The following ASTN2 variants were observed in gnomAD, a reference collection of about 807,000 sequenced individuals.
ASTN2 encodes astrotactin 2.
Under a neutral mutation model 139.8 loss-of-function variants are expected in ASTN2, and 54 were observed. The observed-to-expected ratio is 0.39, with a 90% CI of 0.31 to 0.48. The LOEUF is 0.48. ASTN2 is among the 20% of genes least tolerant of loss of function. ASTN2 has a pLI of 0.95. For synonymous variants in ASTN2, 756 were observed against 719.5 expected, an observed-to-expected ratio of 1.05 and a Z score of -0.81; for missense variants, 1,565 against 1,725.1, an observed-to-expected ratio of 0.91 and a Z score of 1.64.
chr9:116,632,256 A>AGAAAG (rs1856838138), intron 17 of ASTN2, among the ~76,000 whole-genome samples: 1 of 103,088 alleles, frequency 9.7e-6, no homozygotes, highest in African/African-American at 4.6e-5. Context: ...AAAGAAGGAA[A>AGAAAG]GAAAGAAAGA....
At chr9:116,587,067 G>A (rs543970967) in intron 19 of ASTN2, among the ~76,000 whole-genome samples, 5 of 152,116 alleles carry the variant, frequency 3.3e-5, no homozygotes, top group African/African-American at 7.2e-5. Flanking sequence ...TGGGCCAAGC[G>A]TGGTGGCTCT....
intron 5 of ASTN2, among the ~76,000 whole-genome samples, chr9:117,062,356 C>T (rs1448614724): frequency 6.6e-6 from 1 of 152,136 alleles, no homozygotes; most frequent in Non-Finnish European, 1.5e-5. Context: ...GGAGCTTTTT[C>T]CCCCAATAGC....
At chr9:117,071,365 G>C (rs958578293) in intron 5 of ASTN2, among the ~76,000 whole-genome samples, 2,363 of 149,040 alleles carry the variant, frequency 0.016, 93 homozygotes, top group African/African-American at 0.056. Context: ...GCAGTCTGCG[G>C]GTTCTCAGAT....
intron 1 of ASTN2, among the ~76,000 whole-genome samples, chr9:117,303,665 G>GT (rs947848765): frequency 1.3e-5 from 2 of 152,162 alleles, no homozygotes; most frequent in African/African-American, 4.8e-5. Context: ...CTGTTTCACT[G>GT]TTTTTTACCA....
intron 1 of ASTN2, among the ~76,000 whole-genome samples, chr9:117,354,147 G>C (rs959009090): frequency 6.6e-6 from 1 of 152,052 alleles, no homozygotes; most frequent in African/African-American, 2.4e-5. Flanking sequence ...GGGGAAGGGC[G>C]GAAGGTACTC....
At chr9:116,733,079 T>G (rs1343715617) in intron 14 of ASTN2, among the ~76,000 whole-genome samples, 2 of 152,096 alleles carry the variant, frequency 1.3e-5, no homozygotes. Context: ...ACCAGAAAAT[T>G]GTCAATGAGA....
At chr9:117,035,035 G>A (rs905852928) in intron 6 of ASTN2, among the ~76,000 whole-genome samples, 15 of 152,090 alleles carry the variant, frequency 9.9e-5, no homozygotes, top group South Asian at 4.1e-4. Context: ...CCATTACTCA[G>A]CCCCATCCAA....
At chr9:117,158,790 T>C (rs1830484379) in intron 3 of ASTN2, among the ~76,000 whole-genome samples, 1 of 151,976 alleles carries the variant, frequency 6.6e-6, no homozygotes, top group Non-Finnish European at 1.5e-5. Flanking sequence ...ATTTACACTG[T>C]CCTATTAAAT....
At chr9:116,550,040 C>T (rs767643032) in intron 19 of ASTN2, among the ~76,000 whole-genome samples, 1 of 152,168 alleles carries the variant, frequency 6.6e-6, no homozygotes, top group Admixed American at 6.5e-5. Flanking sequence ...ATGAAATGTC[C>T]CTGCTTTAAT....
At chr9:117,045,063 C>T (rs1587897633) in intron 5 of ASTN2, among the ~76,000 whole-genome samples, 2 of 152,128 alleles carry the variant, frequency 1.3e-5, no homozygotes, top group African/African-American at 4.8e-5. Flanking sequence ...AGGATACCCT[C>T]ATGTAGAAAG....
At chr9:117,031,140 T>G (rs964170901) in intron 6 of ASTN2, among the ~76,000 whole-genome samples, 5 of 152,134 alleles carry the variant, frequency 3.3e-5, no homozygotes, top group Admixed American at 6.6e-5. Flanking sequence ...AGGAGGGGTG[T>G]GTGAATTTGA....
intron 19 of ASTN2, chr9:116,551,981 G>A (rs892598902): frequency 1.4e-5 from 2 of 146,324 alleles, no homozygotes; most frequent in African/African-American, 5.1e-5. Flanking sequence ...AGATTCTGAA[G>A]TAGCCTGCCA....
chr9:116,473,374 A>G (rs1056709214), intron 20 of ASTN2, among the ~76,000 whole-genome samples: 2 of 152,204 alleles, frequency 1.3e-5, no homozygotes, highest in Non-Finnish European at 1.5e-5. Context: ...TCTTTATGAT[A>G]AAGAGAAACA....
intron 2 of ASTN2, among the ~76,000 whole-genome samples, chr9:117,265,561 C>T (rs1307154178): frequency 2.0e-5 from 3 of 152,134 alleles, no homozygotes; most frequent in Non-Finnish European, 2.9e-5. Flanking sequence ...GGGCTGGACA[C>T]CAAGAGTGTC....
At chr9:116,674,600 G>A (rs1350554674) in intron 16 of ASTN2, among the ~76,000 whole-genome samples, 1 of 152,174 alleles carries the variant, frequency 6.6e-6, no homozygotes, top group Non-Finnish European at 1.5e-5. Flanking sequence ...AGGTAAAGAG[G>A]ACTAGGCTGC....
chr9:116,623,925 C>T (rs530172581), intron 17 of ASTN2, among the ~76,000 whole-genome samples: 5 of 152,052 alleles, frequency 3.3e-5, no homozygotes, highest in Admixed American at 1.3e-4. Context: ...TGTTTGCATG[C>T]GTATGTGTCT....
intron 1 of ASTN2, among the ~76,000 whole-genome samples, chr9:117,333,701 A>T (rs930658075): frequency 1.3e-5 from 2 of 152,200 alleles, no homozygotes; most frequent in Non-Finnish European, 2.9e-5. Context: ...ACGGGGTTTC[A>T]CCATGTTGGC....
intron 11 of ASTN2, among the ~76,000 whole-genome samples, chr9:116,845,567 A>G (rs1333434812): frequency 6.6e-6 from 1 of 152,256 alleles, no homozygotes; most frequent in Non-Finnish European, 1.5e-5. Flanking sequence ...AACATGGGCA[A>G]AAGACTTGAA....
At chr9:116,751,179 G>A (rs1013090353) in intron 13 of ASTN2, among the ~76,000 whole-genome samples, 2 of 152,126 alleles carry the variant, frequency 1.3e-5, no homozygotes, top group African/African-American at 2.4e-5. Context: ...GACCGTAATA[G>A]TACCTACTTT....
Sources: gnomAD v4.1 joint callset for allele counts (sites outside exome capture counted in the v4.1 genomes callset) on GRCh38, gnomAD v4.1.1 for gene constraint, MANE v1.5 for transcripts, NCBI Gene and HGNC (gene_info 2026-07-23, HGNC 2026-07-21) for gene names.